The following CCNE2 variants were observed in gnomAD, a reference collection of about 807,000 sequenced individuals.
The protein encoded by CCNE2 is cyclin E2.
Under a neutral mutation model 56.8 loss-of-function variants are expected in CCNE2, and 18 were observed. The ratio of observed to expected loss-of-function variants is 0.32; its 90% CI spans 0.22 to 0.47. The LOEUF (loss-of-function observed/expected upper bound fraction) is 0.47. CCNE2 is among the 20% of genes least tolerant of loss of function. CCNE2 has a pLI of 1.00. For missense variants in CCNE2, 371 were observed against 467.1 expected (o/e 0.79, Z 1.90); for synonymous variants, 139 against 149.2 (o/e 0.93, Z 0.50).
chr8:94,891,959 T>C (rs1817263023), intron 5 of CCNE2: 2 of 1,080,782 alleles, frequency 1.9e-6, no homozygotes, highest in Admixed American at 1.7e-5. Context: ...CATGGTCGGA[T>C]TAACTCACAC....
rs1453233892 is a variant in CCNE2, at chr8:94,880,682, C to T, written c.*950G>A. 8 of 393,732 alleles carry T rather than the reference C, an allele frequency of 2.0e-5. No individual in the cohort carries two copies. The highest frequency in any genetic ancestry group is 3.6e-5 in the East Asian group (1 of 27,764). 24.4% of individuals were successfully genotyped at this position (393,732 alleles called of 1,614,324 possible). ...AGTGTTAAGCTTTATCACTTTGACA[C>T]TGTCCTTATCTCACAATGGAGGAAT... is the stretch of plus-strand genomic sequence containing the variant. On this transcript the variant is annotated 3_prime_UTR_variant, in exon 12 of 12. Transcript: ENST00000308108.
At chr8:94,889,079 C>T (rs1817138287) in intron 6 of CCNE2, among the ~76,000 whole-genome samples, 1 of 151,256 alleles carries the variant, frequency 6.6e-6, no homozygotes, top group South Asian at 2.1e-4. Flanking sequence ...ACGCGAGATG[C>T]AGAGGTTGCA....
rs1430281337 is a variant in CCNE2 at position 94,894,105 on chromosome 8, G to A, written c.29C>T (p.Ala10Val). The A allele has an allele frequency of 6.2e-7, 1 of 1,613,750 alleles. No individual in the cohort carries two copies. The highest frequency in any genetic ancestry group is 2.2e-5 in the East Asian group (1 of 44,876). MSRRSSRLQ[A>V]KQQPQPSQTE... ...CTGGCTGGGCTGGGGCTGCTGCTTA[G>A]CTTGTAAACGGCTACTGTAGTGAAT... The change falls in exon 3 of 12, where the codon GCT becomes GTT. Residue 10 changes from alanine (A) to valine (V), a missense_variant. Ala to Val is a moderately conservative substitution (Grantham distance 64). Coordinates refer to ENST00000308108, the MANE Select transcript of CCNE2 (RefSeq NM_057749.3).
chr8:94,882,070 A>G (rs1816839435), intron 11 of CCNE2, 62 bp downstream of exon 11: 1 of 1,482,146 alleles, frequency 6.7e-7, no homozygotes, highest in South Asian at 1.3e-5. Flanking sequence ...TATTCCTACC[A>G]TCAGTTTTGG....
At chr8:94,893,083 A>G in intron 4 of CCNE2, 114 bp from the exon 5 acceptor site, 1 of 753,440 alleles carries the variant, frequency 1.3e-6, no homozygotes, top group South Asian at 2.1e-5. Context: ...TTTAGCTAAC[A>G]TAGATGGCAA....
At chr8:94,887,649 A>C (rs998322354) in intron 7 of CCNE2, among the ~76,000 whole-genome samples, 2 of 152,238 alleles carry the variant, frequency 1.3e-5, no homozygotes, top group Non-Finnish European at 2.9e-5. Context: ...TAGAGCATCA[A>C]TATGTTTCGT....
At chr8:94,886,184 A>G (rs1817032218) in intron 7 of CCNE2, among the ~76,000 whole-genome samples, 1 of 152,224 alleles carries the variant, frequency 6.6e-6, no homozygotes, top group Admixed American at 6.5e-5. Context: ...CAGGCTTCAG[A>G]TTTAAGGACA....
Position 94,886,140 on chromosome 8 carries a change from G to GT in CCNE2, c.601-583dup, listed in dbSNP as rs1817029888. ...TCAAAACATCGTAGGTCAAACCGTG[G>GT]TAAGTAGGGGACCATCTATATACAA... On this transcript the variant is annotated intron_variant, in intron 7 of 11. Coordinates refer to ENST00000308108, the MANE Select transcript of CCNE2 (RefSeq NM_057749.3). Among the ~76,000 whole-genome samples the GT allele has an allele frequency of 1.3e-5, 2 of 152,290 alleles. 1 individual carries two copies. Among genetic ancestry groups the GT allele is most frequent in the South Asian group, 4.1e-4 (2 of 4,828 alleles).
chr8:94,885,688 C>A (rs1391449822), intron 7 of CCNE2, 130 bp from the exon 8 acceptor site: 4 of 378,380 alleles, frequency 1.1e-5, no homozygotes, highest in Non-Finnish European at 1.4e-5. Flanking sequence ...TTTTCATTTT[C>A]TTGGAGAAAT....
chr8:94,882,906 C>G lies in CCNE2; in HGVS notation c.832-14G>C. On this transcript the variant is annotated splice_polypyrimidine_tract_variant and intron_variant, in intron 9 of 11. Transcript: ENST00000308108. The stretch of plus-strand genomic sequence containing the variant: ...CAGATCTAAAAGCTAACAGGAAAAA[C>G]AAAAGTACAAGCAATTTAGGAGAAA... 1 of 1,516,564 alleles carries G rather than the reference C, an allele frequency of 6.6e-7. No individual in the cohort carries two copies. The highest frequency in any genetic ancestry group is 9.2e-7 in the Non-Finnish European group (1 of 1,092,376). The allele number at this position is 1,516,564 out of a possible 1,614,324, so 93.9% of individuals were successfully genotyped here.
At position 94,885,560 on chromosome 8, in the gene CCNE2, T is replaced by A; in HGVS notation, c.601-2A>T. ...TTGGAGTTTAGGAGCATAGATTTCC[T>A]TTAAATTGTAATATTTTTATTGAGT... On this transcript the variant is annotated splice_acceptor_variant, in intron 7 of 11. Coordinates refer to ENST00000308108, the MANE Select transcript of CCNE2 (RefSeq NM_057749.3). LOFTEE classifies it high-confidence loss of function. 6.4e-7 allele frequency: 1 copy of A among 1,559,860 alleles called. No individual in the cohort carries two copies. Among genetic ancestry groups the A allele is most frequent in the Non-Finnish European group, 8.8e-7 (1 of 1,137,784 alleles).
chr8:94,881,188 C>T lies in CCNE2; in HGVS notation c.*444G>A, dbSNP rs2131092295. ...AATTTAATTTTCAAGAACCAAATTG[C>T]ACTAGTCAAGAGTGTAGGAATTTTG... On this transcript the variant is annotated 3_prime_UTR_variant, in exon 12 of 12. Transcript: ENST00000308108. 2.6e-6 allele frequency: 1 copy of T among 380,528 alleles called. No homozygotes were observed. Among genetic ancestry groups the T allele is most frequent in the African/African-American group, 2.1e-5 (1 of 48,462 alleles). 23.6% of individuals were successfully genotyped at this position (380,528 alleles called of 1,614,324 possible).
intron 9 of CCNE2, 27 bp from the exon 10 acceptor site, chr8:94,882,919 A>G: frequency 7.1e-7 from 1 of 1,416,842 alleles, no homozygotes; most frequent in Non-Finnish European, 1.0e-6. Context: ...AAGTACAAGC[A>G]ATTTAGGAGA....
At chr8:94,885,227 T>G in intron 8 of CCNE2, 26 bp from the exon 9 acceptor site, 1 of 1,605,580 alleles carries the variant, frequency 6.2e-7, no homozygotes, top group East Asian at 2.2e-5. Flanking sequence ...TAAAAATGCC[T>G]GTTAATGAAT....
At chr8:94,894,598 T>C (rs991116546) in intron 1 of CCNE2, 8 of 228,762 alleles carry the variant, frequency 3.5e-5, no homozygotes, top group African/African-American at 1.1e-4. Flanking sequence ...CGCCCCCACG[T>C]CCCGCCTCCC....
At chr8:94,896,033 C>T (rs1336994102), upstream of CCNE2, 1 of 152,976 alleles carries the variant, frequency 6.5e-6, no homozygotes, top group African/African-American at 2.4e-5. Flanking sequence ...CAGTGGCCTC[C>T]AGCTGCCACC....
chr8:94,885,393 A>C, intron 8 of CCNE2, 70 bp downstream of exon 8: 1 of 1,127,270 alleles, frequency 8.9e-7, no homozygotes, highest in Non-Finnish European at 1.3e-6. Flanking sequence ...TTGAGATTCA[A>C]TTATAACTAC....
Position 94,887,917 on chromosome 8 carries a change from A to C in CCNE2, c.600+10T>G. Reference sequence around the variant, plus strand: ...TAAATATATCTAAGGATAAACTTTTAAGAACTTACCTCAAGTTTGGAAGCA... The same window carrying C: ...TAAATATATCTAAGGATAAACTTTTCAGAACTTACCTCAAGTTTGGAAGCA... On this transcript the variant is annotated intron_variant, in intron 7 of 11. Transcript: ENST00000308108. The C allele has an allele frequency of 6.4e-7, 1 of 1,554,618 alleles. No individual in the cohort carries two copies. Among genetic ancestry groups the C allele is most frequent in the Non-Finnish European group, 8.6e-7 (1 of 1,156,666 alleles).
At chr8:94,885,337 G>C (rs1218162624) in intron 8 of CCNE2, 126 bp downstream of exon 8, 1 of 1,056,200 alleles carries the variant, frequency 9.5e-7, no homozygotes, top group African/African-American at 1.6e-5. Flanking sequence ...TAACCTCTTA[G>C]AACTGGATCC....
Sources: gnomAD v4.1 joint callset for allele counts (sites outside exome capture counted in the v4.1 genomes callset) on GRCh38, gnomAD v4.1.1 for gene constraint, MANE v1.5 for transcripts, NCBI Gene and HGNC (gene_info 2026-07-23, HGNC 2026-07-21) for gene names.